Variants in MAGI2 observed in about 807,000 individuals in gnomAD.
The protein encoded by MAGI2 is membrane-associated guanylate kinase, WW and PDZ domain-containing protein 2.
Under a neutral mutation model 133.3 loss-of-function variants are expected in MAGI2, and 35 were observed. The ratio of observed to expected loss-of-function variants is 0.26; its 90% CI spans 0.20 to 0.35. The LOEUF is 0.35. Among genes scored for constraint, MAGI2 ranks in the 10% least tolerant of loss-of-function variants. The pLI is 1.00. For synonymous variants in MAGI2, 729 were observed against 710.6 expected (o/e 1.03, Z -0.41); for missense variants, 1,636 against 1,863.4 (o/e 0.88, Z 2.25).
chr7:79,112,054 A>G (rs974291083), intron 1 of MAGI2, among the ~76,000 whole-genome samples: 12 of 151,992 alleles, frequency 7.9e-5, no homozygotes, highest in African/African-American at 2.4e-4. Flanking sequence ...GAATTCCAAG[A>G]ACCTCTTAAT....
chr7:79,408,885 A>G (rs957212087), intron 1 of MAGI2, among the ~76,000 whole-genome samples: 3 of 152,200 alleles, frequency 2.0e-5, no homozygotes, highest in Non-Finnish European at 4.4e-5. Context: ...AGATAAATTC[A>G]AATCAATGCC....
rs540783438 is a variant in MAGI2, at chr7:78,916,878, T to C, written c.418+90212A>G. Among the ~76,000 whole-genome samples, 44 of 152,236 alleles carry C rather than the reference T, an allele frequency of 2.9e-4. 1 individual carries two copies. Among genetic ancestry groups the C allele is most frequent in the Middle Eastern group, 6.8e-3 (2 of 294 alleles). On this transcript the variant is annotated intron_variant, in intron 2 of 21. Coordinates refer to ENST00000354212, the MANE Select transcript of MAGI2 (RefSeq NM_012301.4). ...ACATTCTGAAGGCGAATAGTTGGCTTTCCATTTCAAAAAGCTCATTTGGCA... is the reference window on the plus strand; with the variant it reads ...ACATTCTGAAGGCGAATAGTTGGCTCTCCATTTCAAAAAGCTCATTTGGCA...
chr7:79,398,750 G>A (rs562835421), intron 1 of MAGI2, among the ~76,000 whole-genome samples: 1 of 152,218 alleles, frequency 6.6e-6, no homozygotes, highest in African/African-American at 2.4e-5. Flanking sequence ...CATTTAAACT[G>A]TCAATCTAAA....
chr7:79,102,399 T>C (rs1401991142), intron 1 of MAGI2, among the ~76,000 whole-genome samples: 1 of 152,218 alleles, frequency 6.6e-6, no homozygotes, highest in Admixed American at 6.5e-5. Flanking sequence ...AAATTCTAGA[T>C]CTTTTATTTC....
chr7:78,881,743 T>C (rs997463439), intron 2 of MAGI2, among the ~76,000 whole-genome samples: 3 of 151,678 alleles, frequency 2.0e-5, no homozygotes, highest in African/African-American at 7.3e-5. Flanking sequence ...AAAAAATTAC[T>C]AGAAATAAAT....
intron 2 of MAGI2, among the ~76,000 whole-genome samples, chr7:78,954,002 C>T (rs766577365): frequency 5.3e-5 from 8 of 152,232 alleles, no homozygotes; most frequent in South Asian, 2.1e-4. Context: ...GGAACAATCC[C>T]TTCCTGTAGT....
chr7:78,627,229 C>T lies in MAGI2; in HGVS notation c.429G>A (p.Arg143=). The T allele has an allele frequency of 6.5e-7, 1 of 1,546,550 alleles. No individual in the cohort carries two copies. Among genetic ancestry groups the T allele is most frequent in the Non-Finnish European group, 8.7e-7 (1 of 1,151,158 alleles). The part of the protein sequence containing the change: ...LYLRTVPCTT[R]PHKEGEVPGV... ...CAGGGACCTCACCCTCCTTATGTGG[C>T]CTTGTGGTGCCTGAATAAAGAAAAG... is the stretch of plus-strand genomic sequence containing the variant. Residue 143 remains arginine, a synonymous_variant, in exon 3 of 22, where the codon AGG becomes AGA. Coordinates refer to ENST00000354212, the MANE Select transcript of MAGI2 (RefSeq NM_012301.4).
chr7:79,409,548 G>T (rs542589928), intron 1 of MAGI2, among the ~76,000 whole-genome samples: 1 of 151,498 alleles, frequency 6.6e-6, no homozygotes, highest in East Asian at 1.9e-4. Flanking sequence ...AGAACTGAAC[G>T]GTTATTAAAC....
intron 2 of MAGI2, among the ~76,000 whole-genome samples, chr7:78,764,334 T>G (rs1227965995): frequency 6.6e-6 from 1 of 152,228 alleles, no homozygotes; most frequent in Non-Finnish European, 1.5e-5. Flanking sequence ...ATAGACTAAG[T>G]ACTTCAAGAT....
intron 1 of MAGI2, among the ~76,000 whole-genome samples, chr7:79,095,425 T>C (rs541494131): frequency 2.0e-5 from 3 of 152,380 alleles, no homozygotes; most frequent in East Asian, 1.9e-4. Flanking sequence ...AACTGTTTGA[T>C]GCAAGCGGAC....
At chr7:78,596,940 A>G (rs745880152) in intron 3 of MAGI2, among the ~76,000 whole-genome samples, 3 of 152,172 alleles carry the variant, frequency 2.0e-5, no homozygotes, top group Non-Finnish European at 4.4e-5. Context: ...TACGGAGCCT[A>G]TTTTAATCTA....
At chr7:78,336,289 T>C (rs376857520) in intron 9 of MAGI2, among the ~76,000 whole-genome samples, 1 of 152,220 alleles carries the variant, frequency 6.6e-6, no homozygotes, top group Non-Finnish European at 1.5e-5. Context: ...CAGGAAACTG[T>C]ATTTTTAAAA....
intron 2 of MAGI2, among the ~76,000 whole-genome samples, chr7:78,684,333 G>A (rs1816032239): frequency 6.6e-6 from 1 of 152,108 alleles, no homozygotes; most frequent in African/African-American, 2.4e-5. Flanking sequence ...TGTGAAGCTA[G>A]GAATCACAGC....
At chr7:78,756,195 A>G (rs1029011227) in intron 2 of MAGI2, among the ~76,000 whole-genome samples, 10 of 152,206 alleles carry the variant, frequency 6.6e-5, no homozygotes, top group Admixed American at 1.3e-4. Context: ...GAGCACTGGC[A>G]TGAGTCAGGC....
At chr7:78,526,253 C>T (rs1796941080) in intron 3 of MAGI2, among the ~76,000 whole-genome samples, 1 of 152,178 alleles carries the variant, frequency 6.6e-6, no homozygotes, top group Non-Finnish European at 1.5e-5. Flanking sequence ...TCAATGAACA[C>T]AAATGCATCA....
At chr7:78,821,593 C>G (rs1297421440) in intron 2 of MAGI2, among the ~76,000 whole-genome samples, 1 of 151,854 alleles carries the variant, frequency 6.6e-6, no homozygotes, top group Non-Finnish European at 1.5e-5. Flanking sequence ...ATTTTTAAAA[C>G]AAATATTTAA....
At chr7:78,329,002 A>G (rs798310) in intron 9 of MAGI2, among the ~76,000 whole-genome samples, 79,063 of 151,988 alleles carry the variant, frequency 0.52, 21,171 homozygotes, top group African/African-American at 0.6. Flanking sequence ...TCATATACGT[A>G]GTAGAATTTT....
intron 1 of MAGI2, among the ~76,000 whole-genome samples, chr7:79,100,398 A>G (rs1487289158): frequency 1.3e-5 from 2 of 152,040 alleles, no homozygotes; most frequent in East Asian, 1.9e-4. Flanking sequence ...AGACATATAT[A>G]TATTTTAGCC....
intron 1 of MAGI2, among the ~76,000 whole-genome samples, chr7:79,023,052 A>C (rs1017160171): frequency 1.1e-4 from 16 of 152,200 alleles, no homozygotes; most frequent in African/African-American, 3.6e-4. Flanking sequence ...ACTTCAGGCT[A>C]ATATCATTTA....
Sources: gnomAD v4.1 joint callset for allele counts (sites outside exome capture counted in the v4.1 genomes callset) on GRCh38, gnomAD v4.1.1 for gene constraint, MANE v1.5 for transcripts, NCBI Gene and HGNC (gene_info 2026-07-23, HGNC 2026-07-21) for gene names.